Variants in ATP11A observed in about 807,000 individuals in gnomAD.
ATP11A encodes phospholipid-transporting ATPase IH.
In ATP11A, 81 loss-of-function variants were observed where a neutral mutation model predicts 154.4. The observed-to-expected ratio is 0.52, with a 90% CI of 0.44 to 0.63. The LOEUF (loss-of-function observed/expected upper bound fraction) is 0.63, where lower values mean the gene tolerates loss of function less well. ATP11A is among the 30% of genes least tolerant of loss of function. The pLI, the probability that ATP11A is intolerant of heterozygous loss-of-function variation, is 0.00. For synonymous variants in ATP11A, 623 were observed against 585.9 expected (o/e 1.06, Z -0.91); for missense variants, 1,316 against 1,474.3 (o/e 0.89, Z 1.76).
chr13:112,819,264 C>G (rs777811379), intron 6 of ATP11A, 40 bp from the exon 7 acceptor site: 9 of 1,582,048 alleles, frequency 5.7e-6, no homozygotes, highest in Non-Finnish European at 7.8e-6. Context: ...TTTGTGTTGA[C>G]CGTTTTGGCG....
intron 1 of ATP11A, among the ~76,000 whole-genome samples, chr13:112,708,182 C>T (rs189522930): frequency 6.6e-6 from 1 of 152,168 alleles, no homozygotes; most frequent in Non-Finnish European, 1.5e-5. Flanking sequence ...GCTTCCACAA[C>T]CAGCAGGATG....
chr13:112,709,277 A>G (rs1020734710), intron 1 of ATP11A, among the ~76,000 whole-genome samples: 5 of 152,204 alleles, frequency 3.3e-5, no homozygotes, highest in Non-Finnish European at 2.9e-5. Context: ...TTACTTTCCA[A>G]TCTGACTCTG....
chr13:112,756,299 T>C, intron 1 of ATP11A, among the ~76,000 whole-genome samples: 1 of 152,188 alleles, frequency 6.6e-6, no homozygotes, highest in East Asian at 1.9e-4. Context: ...CTAAGGGTCA[T>C]GTCCATCGTT....
chr13:112,775,300 G>A (rs1379200787), intron 1 of ATP11A, among the ~76,000 whole-genome samples: 1 of 152,252 alleles, frequency 6.6e-6, no homozygotes, highest in African/African-American at 2.4e-5. Flanking sequence ...CTGCTGAAGG[G>A]CTCGTTATCC....
intron 1 of ATP11A, among the ~76,000 whole-genome samples, chr13:112,756,578 C>T (rs565767334): frequency 6.6e-6 from 1 of 152,308 alleles, no homozygotes; most frequent in African/African-American, 2.4e-5. Context: ...GGGGACGGCA[C>T]GAAAAACAGC....
intron 1 of ATP11A, among the ~76,000 whole-genome samples, chr13:112,692,382 C>T (rs1426876696): frequency 2.6e-5 from 4 of 152,186 alleles, no homozygotes; most frequent in African/African-American, 7.2e-5. Flanking sequence ...TGGAGAATCC[C>T]CCCTTCCCAG....
chr13:112,822,449 C>T (rs2078822178), intron 8 of ATP11A, among the ~76,000 whole-genome samples: 1 of 152,072 alleles, frequency 6.6e-6, no homozygotes, highest in Non-Finnish European at 1.5e-5. Flanking sequence ...CATGGATTGT[C>T]CCAGATTTAC....
At chr13:112,766,643 C>T (rs1385611317) in intron 1 of ATP11A, among the ~76,000 whole-genome samples, 1 of 151,980 alleles carries the variant, frequency 6.6e-6, no homozygotes, top group Non-Finnish European at 1.5e-5. Flanking sequence ...GAGGGTTTCC[C>T]TCATTGGCTT....
rs2079312837 is a variant in ATP11A at position 112,838,868 on chromosome 13, C to T, written c.1705+2617C>T. On this transcript the variant is annotated intron_variant, in intron 16 of 29. Coordinates refer to ENST00000375645, the MANE Select transcript of ATP11A (RefSeq NM_015205.3). This position sits in a 1 kb window ranked among gnomAD's most constrained non-coding sequence, Gnocchi z 7.3. ...AGGTGTTCTGTAAGTAGTAGTCATCCCCGGAGAGGTTCACTAATTGCACTG... is the reference window on the plus strand; with the variant it reads ...AGGTGTTCTGTAAGTAGTAGTCATCTCCGGAGAGGTTCACTAATTGCACTG... Among the ~76,000 whole-genome samples, 1 of 152,134 alleles carries T rather than the reference C, an allele frequency of 6.6e-6. No homozygotes were observed. The highest frequency in any genetic ancestry group is 2.1e-4 in the South Asian group (1 of 4,824).
At chr13:112,742,561 G>C (rs900154132) in intron 1 of ATP11A, among the ~76,000 whole-genome samples, 2 of 152,214 alleles carry the variant, frequency 1.3e-5, no homozygotes, top group African/African-American at 4.8e-5. Context: ...CTGAGAATTT[G>C]CTCAGCTGTG....
At chr13:112,876,662 G>A (rs969513092) in intron 28 of ATP11A, among the ~76,000 whole-genome samples, 1 of 152,234 alleles carries the variant, frequency 6.6e-6, no homozygotes, top group African/African-American at 2.4e-5. Context: ...CACTCCTTGA[G>A]GTGGAGCCCT....
chr13:112,825,493 T>C lies in ATP11A; in HGVS notation c.936T>C (p.Thr312=). The change falls in exon 11 of 30, where the codon ACT becomes ACC. Residue 312 remains threonine, a synonymous_variant. Transcript: ENST00000375645. ...CILISKALIN[T]VLKYMWQSEP... ...TGATCAGCAAAGCCCTGATAAACACTGTGCTGAAATACATGTGGCAGAGTG... is the reference window on the plus strand; with the variant it reads ...TGATCAGCAAAGCCCTGATAAACACCGTGCTGAAATACATGTGGCAGAGTG... 1.2e-6 allele frequency: 2 copies of C among 1,614,046 alleles called. No individual in the cohort carries two copies. The highest frequency in any genetic ancestry group is 1.7e-5 in the Admixed American group (1 of 59,994).
intron 28 of ATP11A, among the ~76,000 whole-genome samples, chr13:112,876,583 A>G (rs1436919441): frequency 1.3e-5 from 2 of 152,182 alleles, no homozygotes; most frequent in African/African-American, 4.8e-5. Context: ...GGGCCGCTGC[A>G]CCTGTCACGG....
chr13:112,824,292 A>G (rs2078876559), intron 9 of ATP11A, 52 bp from the exon 10 acceptor site: 5 of 1,405,948 alleles, frequency 3.6e-6, no homozygotes, highest in Middle Eastern at 1.7e-4. Context: ...ACTCACCATA[A>G]GGCAAGACAC....
intron 2 of ATP11A, among the ~76,000 whole-genome samples, chr13:112,790,048 A>G (rs1293728936): frequency 6.7e-6 from 1 of 149,822 alleles, no homozygotes; most frequent in Non-Finnish European, 1.5e-5. Context: ...GTGGCGACCT[A>G]CTTAATTCAC....
At chr13:112,809,786 G>GT (rs914282318) in intron 4 of ATP11A, among the ~76,000 whole-genome samples, 3 of 152,184 alleles carry the variant, frequency 2.0e-5, no homozygotes, top group Non-Finnish European at 4.4e-5. Flanking sequence ...ACAAAGGCAC[G>GT]TTTGTCATCC....
At position 112,871,761 on chromosome 13, in the gene ATP11A, G is replaced by A. The variant is rs761594615; in HGVS notation, c.3018G>A (p.Thr1006=). Residue 1006 remains threonine, a synonymous_variant, in exon 26 of 30, where the codon ACG becomes ACA. Coordinates refer to ENST00000375645, the MANE Select transcript of ATP11A (RefSeq NM_015205.3). ...GQIFGNWTFG[T]LVFTVMVFTV... ...TATTTGGAAACTGGACGTTTGGAAC[G>A]CTGGTATTCACCGTGATGGTGTTCA... 5.1e-5 allele frequency: 82 copies of A among 1,614,064 alleles called. No homozygotes were observed. In the South Asian group the frequency reaches 5.9e-4, roughly 12 times the overall value.
intron 1 of ATP11A, among the ~76,000 whole-genome samples, chr13:112,760,570 A>G (rs1270039992): frequency 6.6e-6 from 1 of 152,160 alleles, no homozygotes; most frequent in Non-Finnish European, 1.5e-5. Context: ...AAACTTGCCT[A>G]ATTTTTTTCA....
chr13:112,701,157 A>G (rs1388446692), intron 1 of ATP11A, among the ~76,000 whole-genome samples: 1 of 152,156 alleles, frequency 6.6e-6, no homozygotes, highest in African/African-American at 2.4e-5. Context: ...GGCCGTCTCC[A>G]CGGTCCTTTC....
Sources: allele counts gnomAD v4.1 joint callset (sites outside exome capture counted in the v4.1 genomes callset), GRCh38; gene constraint gnomAD v4.1.1; non-coding constraint Gnocchi (gnomAD v3.1); transcripts MANE v1.5; gene names NCBI Gene and HGNC (gene_info 2026-07-23, HGNC 2026-07-21).